Variants in AKAP6 observed in about 807,000 individuals in gnomAD.
The protein encoded by AKAP6 is A-kinase anchoring protein 6, also known as A-kinase anchor protein 6.
AKAP6 carries 58 observed loss-of-function variants against 188.5 expected under a neutral mutation model. The observed-to-expected ratio is 0.31, with a 90% CI of 0.25 to 0.38. The LOEUF (loss-of-function observed/expected upper bound fraction) is 0.38. AKAP6 is among the 10% of genes least tolerant of loss of function. The pLI is 1.00. For missense variants in AKAP6, 2,710 were observed against 2,740.0 expected, an observed-to-expected ratio of 0.99 and a Z score of 0.24; for synonymous variants, 989 against 998.6, an observed-to-expected ratio of 0.99 and a Z score of 0.18.
chr14:32,656,223 C>G (rs1888448808), intron 7 of AKAP6, among the ~76,000 whole-genome samples: 1 of 151,982 alleles, frequency 6.6e-6, no homozygotes, highest in African/African-American at 2.4e-5. Context: ...ATAAATCTTT[C>G]TGTTTTATGT....
chr14:32,398,106 A>G (rs1888938660), intron 1 of AKAP6, among the ~76,000 whole-genome samples: 1 of 152,196 alleles, frequency 6.6e-6, no homozygotes, highest in African/African-American at 2.4e-5. Context: ...AGAGAAGAGA[A>G]CTCCCTCTGC....
intron 2 of AKAP6, among the ~76,000 whole-genome samples, chr14:32,474,951 AC>A (rs1224536310): frequency 6.6e-6 from 1 of 152,182 alleles, no homozygotes; most frequent in African/African-American, 2.4e-5. Context: ...CAGCTGTAGC[AC>A]ATTTGTTCTC....
rs575546127 is a variant in AKAP6, at chr14:32,346,236, G to C, written c.-35+16828G>C. The stretch of plus-strand genomic sequence containing the variant: ...TGTGAAATTCATGCTGGAGCTTCAT[G>C]AGATTCTACTTAGGGCCCTGTTTTC... On this transcript the variant is annotated intron_variant, in intron 1 of 13. Transcript: ENST00000280979. Among the ~76,000 whole-genome samples the C allele has an allele frequency of 7.2e-5, 11 of 152,266 alleles. No homozygotes were observed. In the East Asian group the frequency reaches 2.1e-3, roughly 30 times the overall value.
rs748493800 is a variant in AKAP6 at position 32,823,124 on chromosome 14, A to G, written c.5311A>G (p.Lys1771Glu). The G allele has an allele frequency of 3.9e-5, 63 of 1,613,686 alleles. No homozygotes were observed. Among genetic ancestry groups the G allele is most frequent in the Non-Finnish European group, 8.5e-7 (1 of 1,179,868 alleles). The change falls in exon 13 of 14, where the codon AAA becomes GAA. Residue 1771 changes from lysine to glutamate, a missense_variant. Coordinates refer to ENST00000280979, the MANE Select transcript of AKAP6 (RefSeq NM_004274.5). Reference sequence around the variant, plus strand: ...CTTGACTGAAGAAGAGCTGTGCATCAAAGATGAGGATGACGACTCCAGTAT... The same window carrying G: ...CTTGACTGAAGAAGAGCTGTGCATCGAAGATGAGGATGACGACTCCAGTAT... ...LTLTEEELCI[K>E]DEDDDSSIAT...
Position 32,530,684 on chromosome 14 carries a change from G to A in AKAP6, c.325-4870G>A, listed in dbSNP as rs56662456. Among the ~76,000 whole-genome samples the A allele has an allele frequency of 1.3e-4, 20 of 152,276 alleles. No homozygotes were observed. The East Asian group carries it at 3.7e-3, about 28-fold the overall frequency. ...TCACACTCAAGAGTTATTACAGTAA[G>A]CATTCAGAGCAATCACAAGAAGGGT... On this transcript the variant is annotated intron_variant, in intron 2 of 13. Transcript: ENST00000280979.
rs774700493 is a variant in AKAP6 at position 32,823,941 on chromosome 14, C to T, written c.6128C>T (p.Pro2043Leu). The T allele has an allele frequency of 6.2e-7, 1 of 1,613,924 alleles. No individual in the cohort carries two copies. Among genetic ancestry groups the T allele is most frequent in the South Asian group, 1.1e-5 (1 of 91,080 alleles). Residue 2043 changes from proline (P) to leucine (L), a missense_variant, in exon 13 of 14, where the codon CCA becomes CTA. Physicochemically the swap from Pro to Leu is moderately conservative, Grantham distance 98. This residue lies in a region of AKAP6 where 2,473 missense variants were observed against 2,426.1 expected (regional missense o/e 1.02). Transcript: ENST00000280979. ...ISNISCCNCE[P>L]DVFHQKDAED... ...AACATTTCCTGTTGCAACTGTGAGC[C>T]AGATGTTTTCCATCAAAAAGATGCC...
chr14:32,559,112 T>G (rs997435596), intron 4 of AKAP6, among the ~76,000 whole-genome samples: 1 of 152,224 alleles, frequency 6.6e-6, no homozygotes, highest in African/African-American at 2.4e-5. Context: ...TACTATTGAA[T>G]GCATGAATAA....
At chr14:32,482,575 T>G (rs1485557995) in intron 2 of AKAP6, among the ~76,000 whole-genome samples, 1 of 152,338 alleles carries the variant, frequency 6.6e-6, no homozygotes, top group Admixed American at 6.5e-5. Flanking sequence ...ACATACTATA[T>G]TTTATTTACT....
At chr14:32,774,338 A>T (rs1236351192) in intron 12 of AKAP6, among the ~76,000 whole-genome samples, 1 of 152,212 alleles carries the variant, frequency 6.6e-6, no homozygotes, top group Non-Finnish European at 1.5e-5. Flanking sequence ...TAATACAACG[A>T]AATAAAGTAC....
chr14:32,519,957 C>T (rs1881732056), intron 2 of AKAP6, among the ~76,000 whole-genome samples: 1 of 152,138 alleles, frequency 6.6e-6, no homozygotes, highest in Non-Finnish European at 1.5e-5. Flanking sequence ...TAAAGCACCC[C>T]TCAGCAAATG....
At chr14:32,436,543 A>C (rs1412056793) in intron 2 of AKAP6, among the ~76,000 whole-genome samples, 1 of 152,158 alleles carries the variant, frequency 6.6e-6, no homozygotes, top group Admixed American at 6.5e-5. Context: ...AAGCCACATC[A>C]CTGCTTGCCT....
rs2034635683 is a variant in AKAP6, at chr14:32,824,835, C to CA, written c.*42+20_*42+21insA. The CA allele has an allele frequency of 6.6e-7, 1 of 1,518,308 alleles. No homozygotes were observed. The highest frequency in any genetic ancestry group is 8.8e-7 in the Non-Finnish European group (1 of 1,133,348). 94.1% of individuals were successfully genotyped at this position (1,518,308 alleles called of 1,614,324 possible). On this transcript the variant is annotated intron_variant, in intron 13 of 13. Transcript: ENST00000280979. Reference sequence around the variant, plus strand: ...TGAAAGGTACGTATAGTCCTCATGCCGTATATGTATTTAAAATATTGAGTT... The same window carrying CA: ...TGAAAGGTACGTATAGTCCTCATGCCAGTATATGTATTTAAAATATTGAGTT...
chr14:32,598,918 C>T (rs1044094810), intron 5 of AKAP6, among the ~76,000 whole-genome samples: 2 of 152,160 alleles, frequency 1.3e-5, no homozygotes, highest in Non-Finnish European at 2.9e-5. Context: ...ACACCTGAAT[C>T]TCCAACTGTG....
intron 12 of AKAP6, among the ~76,000 whole-genome samples, chr14:32,793,337 A>C (rs1478867805): frequency 6.6e-6 from 1 of 152,198 alleles, no homozygotes. Context: ...AAAATTTACC[A>C]AGCAAATGGA....
intron 12 of AKAP6, among the ~76,000 whole-genome samples, chr14:32,819,460 ATAAT>A (rs1344018834): frequency 6.6e-6 from 1 of 152,226 alleles, no homozygotes; most frequent in East Asian, 1.9e-4. Flanking sequence ...GACAGTTAAA[ATAAT>A]TCTGACATTA....
At chr14:32,697,651 G>A (rs901209101) in intron 9 of AKAP6, among the ~76,000 whole-genome samples, 2 of 152,106 alleles carry the variant, frequency 1.3e-5, no homozygotes, top group African/African-American at 4.8e-5. Context: ...TTGCACTCAT[G>A]ATGCCAAATA....
At chr14:32,422,960 T>G (rs1390601144) in intron 1 of AKAP6, among the ~76,000 whole-genome samples, 1 of 152,202 alleles carries the variant, frequency 6.6e-6, no homozygotes, top group Non-Finnish European at 1.5e-5. Flanking sequence ...TAAGATTTAG[T>G]TTTTGTGAGT....
Position 32,441,051 on chromosome 14 carries a change from G to A in AKAP6, c.324+7234G>A, listed in dbSNP as rs566538248. Reference sequence around the variant, plus strand: ...CAAGGTGCCATATTGGAAGCAGAGAGTAAGCTCTCACCAGACACAGAATCT... The same window carrying A: ...CAAGGTGCCATATTGGAAGCAGAGAATAAGCTCTCACCAGACACAGAATCT... On this transcript the variant is annotated intron_variant, in intron 2 of 13. Transcript: ENST00000280979. 5.9e-5 allele frequency among the ~76,000 whole-genome samples: 9 copies of A among 152,294 alleles called. No individual in the cohort carries two copies. In the South Asian group the frequency reaches 1.9e-3, roughly 32 times the overall value.
chr14:32,363,831 A>G (rs73256780), intron 1 of AKAP6, among the ~76,000 whole-genome samples: 6,750 of 152,294 alleles, frequency 0.044, 464 homozygotes, highest in African/African-American at 0.15. Context: ...CAAGTTGACA[A>G]TATTAACCAT....
Sources: allele counts gnomAD v4.1 joint callset (sites outside exome capture counted in the v4.1 genomes callset), GRCh38; gene constraint gnomAD v4.1.1; regional missense constraint gnomAD v4.1.1; transcripts MANE v1.5; gene names NCBI Gene and HGNC (gene_info 2026-07-23, HGNC 2026-07-21).